ACACA: variants seen among roughly 807,000 people sequenced by gnomAD.
ACACA encodes acetyl-CoA carboxylase 1.
A neutral mutation model predicts 296.1 loss-of-function variants in ACACA; 103 were observed. The ratio of observed to expected loss-of-function variants is 0.35; its 90% CI spans 0.30 to 0.41. The LOEUF (loss-of-function observed/expected upper bound fraction) is 0.41, where lower values mean the gene tolerates loss of function less well. Ranked by LOEUF, ACACA falls within the 10% of genes least tolerant of loss-of-function variation. ACACA has a pLI of 1.00. For synonymous variants in ACACA, 953 were observed against 1,038.6 expected (o/e 0.92, Z 1.58); for missense variants, 1,554 against 2,989.7 (o/e 0.52, Z 11.20).
At chr17:37,160,308 G>A (rs2076410560) in intron 42 of ACACA, among the ~76,000 whole-genome samples, 1 of 152,204 alleles carries the variant, frequency 6.6e-6, no homozygotes, top group Non-Finnish European at 1.5e-5. Flanking sequence ...CAAGAGGAGG[G>A]ATTGTCTTTA....
chr17:37,181,469 T>A (rs1486973757), intron 39 of ACACA, 113 bp from the exon 40 acceptor site: 2 of 1,193,724 alleles, frequency 1.7e-6, no homozygotes, highest in Non-Finnish European at 2.4e-6. Context: ...TTTTGGTAGG[T>A]TGAGTAGCTG....
intron 43 of ACACA, 107 bp from the exon 44 acceptor site, chr17:37,151,528 T>C (rs2076038148): frequency 1.5e-6 from 2 of 1,358,612 alleles, no homozygotes; most frequent in South Asian, 1.2e-5. Context: ...TGAAAGCTTA[T>C]ATTTAATGCC....
At chr17:37,151,733 C>G (rs914827128) in intron 43 of ACACA, among the ~76,000 whole-genome samples, 1 of 152,160 alleles carries the variant, frequency 6.6e-6, no homozygotes, top group East Asian at 1.9e-4. Context: ...GCAATCAAGG[C>G]TCACTGCAAG....
intron 3 of ACACA, among the ~76,000 whole-genome samples, chr17:37,304,858 G>A (rs896074342): frequency 4.6e-5 from 7 of 151,658 alleles, no homozygotes; most frequent in African/African-American, 1.7e-4. Flanking sequence ...AGATTTGGGA[G>A]GCCAAGGCAA....
intron 14 of ACACA, among the ~76,000 whole-genome samples, chr17:37,253,569 C>T (rs1264992432): frequency 1.3e-5 from 2 of 152,044 alleles, no homozygotes; most frequent in South Asian, 2.1e-4. Context: ...TGAATTCTAA[C>T]TGATATTACC....
chr17:37,188,705 C>T (rs891545703), intron 38 of ACACA, among the ~76,000 whole-genome samples: 1 of 152,078 alleles, frequency 6.6e-6, no homozygotes, highest in South Asian at 2.1e-4. Flanking sequence ...GGTTTTCTCT[C>T]GATAATAACA....
chr17:37,388,942 A>G (rs373752146), intron 1 of ACACA: 1 of 1,118,156 alleles, frequency 8.9e-7, no homozygotes. Context: ...GGTGTTGGGA[A>G]AGTTGCTTGA....
chr17:37,314,005 G>A (rs2046968748), intron 3 of ACACA, among the ~76,000 whole-genome samples: 1 of 151,632 alleles, frequency 6.6e-6, no homozygotes, highest in East Asian at 1.9e-4. Flanking sequence ...ATAAAATAGA[G>A]AGTATATCTA....
At chr17:37,147,180 T>C (rs567412181) in intron 45 of ACACA, among the ~76,000 whole-genome samples, 1 of 152,246 alleles carries the variant, frequency 6.6e-6, no homozygotes, top group South Asian at 2.1e-4. Flanking sequence ...TAAGCTTGCA[T>C]GTCTCCTACA....
chr17:37,219,789 C>T (rs2079200245), intron 29 of ACACA, among the ~76,000 whole-genome samples: 1 of 150,336 alleles, frequency 6.7e-6, no homozygotes, highest in Non-Finnish European at 1.5e-5. Context: ...AATAACTGAA[C>T]AAGCTATACT....
In ACACA at chr17:37,396,254, C is replaced by T. The variant is rs752612975; in HGVS notation, c.38+10008G>A. On this transcript the variant is annotated intron_variant, in intron 1 of 55. Transcript: ENST00000616317. ...ACTCGGGAGGCTGAGGCAGGAGAAT[C>T]GCTTGAACCCAGGAGGCAGAGGTTG... is the stretch of plus-strand genomic sequence containing the variant. 9.3e-5 allele frequency among the ~76,000 whole-genome samples: 14 copies of T among 150,848 alleles called. 1 individual carries two copies. Among genetic ancestry groups the T allele is most frequent in the Non-Finnish European group, 1.8e-4 (12 of 67,856 alleles).
chr17:37,271,967 G>A (rs567455754), intron 9 of ACACA, among the ~76,000 whole-genome samples: 1 of 152,250 alleles, frequency 6.6e-6, no homozygotes, highest in Admixed American at 6.5e-5. Context: ...GTGAGACCCT[G>A]TTTCAATAAA....
intron 42 of ACACA, chr17:37,161,521 A>G (rs374913075): frequency 5.4e-5 from 30 of 554,110 alleles, no homozygotes; most frequent in South Asian, 3.9e-4. Context: ...CACTAAATGC[A>G]TACCTACTAT....
At chr17:37,148,953 A>T (rs2075927791) in intron 45 of ACACA, among the ~76,000 whole-genome samples, 2 of 152,184 alleles carry the variant, frequency 1.3e-5, no homozygotes, top group African/African-American at 4.8e-5. Flanking sequence ...AAAGCTGAGG[A>T]GCTGAGAGGT....
chr17:37,365,418 A>C lies in ACACA; in HGVS notation c.39-25568T>G, dbSNP rs1303628290. 5 of 982,630 alleles carry C rather than the reference A, an allele frequency of 5.1e-6. No homozygotes were observed. The East Asian group carries it at 4.5e-4, about 89-fold the overall frequency. 60.9% of individuals were successfully genotyped at this position (982,630 alleles called of 1,614,324 possible). On this transcript the variant is annotated intron_variant, in intron 1 of 55. Coordinates refer to ENST00000616317, the MANE Select transcript of ACACA (RefSeq NM_198834.3). Reference sequence around the variant, plus strand: ...ATTTCTATTAGTAAGCGCTTCATTGACTGAAATAAAGATTAGCTCTGTACC... The same window carrying C: ...ATTTCTATTAGTAAGCGCTTCATTGCCTGAAATAAAGATTAGCTCTGTACC...
At chr17:37,136,209 C>T (rs1304548140) in intron 45 of ACACA, among the ~76,000 whole-genome samples, 1 of 152,054 alleles carries the variant, frequency 6.6e-6, no homozygotes, top group African/African-American at 2.4e-5. Flanking sequence ...CCAAAGTCTC[C>T]TCATGTTCCC....
intron 5 of ACACA, among the ~76,000 whole-genome samples, chr17:37,282,085 C>T (rs2082563272): frequency 6.6e-6 from 1 of 152,136 alleles, no homozygotes; most frequent in African/African-American, 2.4e-5. Flanking sequence ...TTGTAATCCC[C>T]AGTCTCGGAA....
At chr17:37,344,152 G>C (rs1374205367) in intron 1 of ACACA, among the ~76,000 whole-genome samples, 1 of 152,044 alleles carries the variant, frequency 6.6e-6, no homozygotes, top group African/African-American at 2.4e-5. Flanking sequence ...CTCTAGGCCA[G>C]GTGTGGTGGT....
intron 11 of ACACA, 57 bp from the exon 12 acceptor site, chr17:37,259,587 A>G (rs549767004): frequency 7.5e-6 from 12 of 1,593,032 alleles, no homozygotes. Flanking sequence ...CTGCTAGACC[A>G]CTACAGCCTC....
Sources: allele counts gnomAD v4.1 joint callset (sites outside exome capture counted in the v4.1 genomes callset), GRCh38; gene constraint gnomAD v4.1.1; transcripts MANE v1.5; gene names NCBI Gene and HGNC (gene_info 2026-07-23, HGNC 2026-07-21).